SPAST: variants seen among roughly 807,000 people sequenced by gnomAD.
The protein encoded by SPAST is spastin.
Under a neutral mutation model 76.6 loss-of-function variants are expected in SPAST, and 30 were observed. The ratio of observed to expected loss-of-function variants is 0.39; its 90% CI spans 0.29 to 0.53. The LOEUF is 0.53. Ranked by LOEUF, SPAST falls within the 20% of genes least tolerant of loss-of-function variation. SPAST has a pLI of 0.68. For synonymous variants in SPAST, 305 were observed against 281.0 expected, an observed-to-expected ratio of 1.09 and a Z score of -0.86; for missense variants, 717 against 770.5, an observed-to-expected ratio of 0.93 and a Z score of 0.82.
At chr2:32,120,633 G>A (rs1377414733) in intron 7 of SPAST, among the ~76,000 whole-genome samples, 5 of 138,338 alleles carry the variant, frequency 3.6e-5, no homozygotes, top group Non-Finnish European at 7.6e-5. Flanking sequence ...CTTTTCATTC[G>A]AGACCAAATG....
At chr2:32,095,631 T>G (rs1022262691) in intron 3 of SPAST, among the ~76,000 whole-genome samples, 7 of 151,214 alleles carry the variant, frequency 4.6e-5, no homozygotes, top group African/African-American at 1.5e-4. Context: ...GCTACTTACT[T>G]GGGAGGCTGA....
intron 15 of SPAST, among the ~76,000 whole-genome samples, chr2:32,145,270 T>A (rs955401954): frequency 1.3e-5 from 2 of 152,142 alleles, no homozygotes; most frequent in Admixed American, 1.3e-4. Flanking sequence ...TATTTTATTT[T>A]ATTTCTTGTA....
intron 1 of SPAST, chr2:32,066,231 T>A (rs1397949306): frequency 6.6e-6 from 1 of 152,082 alleles, no homozygotes; most frequent in African/African-American, 2.4e-5. Flanking sequence ...TGCCTCGACC[T>A]TCCAAGTGCT....
At chr2:32,125,326 C>T (rs1317389254) in intron 7 of SPAST, among the ~76,000 whole-genome samples, 2 of 151,992 alleles carry the variant, frequency 1.3e-5, no homozygotes, top group African/African-American at 2.4e-5. Flanking sequence ...AGGGTTCAAG[C>T]GATTCTCATG....
At chr2:32,148,672 G>A (rs754052287) in intron 16 of SPAST, among the ~76,000 whole-genome samples, 6 of 152,212 alleles carry the variant, frequency 3.9e-5, no homozygotes, top group South Asian at 2.1e-4. Flanking sequence ...TTACCGGGGC[G>A]TGGTGGCGGG....
intron 1 of SPAST, among the ~76,000 whole-genome samples, chr2:32,071,461 CTG>C (rs1165722962): frequency 6.6e-6 from 1 of 152,132 alleles, no homozygotes; most frequent in East Asian, 1.9e-4. Context: ...GAGTCAAACT[CTG>C]TAAAATATTT....
chr2:32,065,684 T>G (rs1188788004), intron 1 of SPAST, among the ~76,000 whole-genome samples: 3 of 152,184 alleles, frequency 2.0e-5, no homozygotes, highest in African/African-American at 7.2e-5. Context: ...CACACCTCAA[T>G]TAGATACTCA....
At chr2:32,136,509 A>C in intron 9 of SPAST, 54 bp from the exon 10 acceptor site, 1 of 1,287,014 alleles carries the variant, frequency 7.8e-7, no homozygotes, top group Admixed American at 1.7e-5. Context: ...AAAATTTAAA[A>C]AACTGGAATA....
intron 1 of SPAST, among the ~76,000 whole-genome samples, chr2:32,080,800 T>TG (rs902293417): frequency 7.5e-6 from 1 of 133,636 alleles, no homozygotes; most frequent in African/African-American, 2.8e-5. Context: ...TTTTTTTTTT[T>TG]TTTTTTTTTT....
intron 7 of SPAST, among the ~76,000 whole-genome samples, chr2:32,122,164 C>G (rs1342292506): frequency 6.6e-6 from 1 of 151,904 alleles, no homozygotes; most frequent in Non-Finnish European, 1.5e-5. Flanking sequence ...AGCTGTCAGT[C>G]TTTTTTTTCT....
At chr2:32,091,922 A>G (rs1342711398) in intron 3 of SPAST, among the ~76,000 whole-genome samples, 1 of 152,152 alleles carries the variant, frequency 6.6e-6, no homozygotes, top group African/African-American at 2.4e-5. Flanking sequence ...TGAAGCTAAT[A>G]TTATTAGCTA....
At chr2:32,144,657 G>A (rs1158292925) in intron 14 of SPAST, among the ~76,000 whole-genome samples, 5 of 152,022 alleles carry the variant, frequency 3.3e-5, no homozygotes, top group Non-Finnish European at 7.4e-5. Context: ...AGGCTGTGGC[G>A]GGTGGATCAC....
intron 1 of SPAST, among the ~76,000 whole-genome samples, chr2:32,076,704 A>G (rs1573049236): frequency 6.6e-6 from 1 of 151,510 alleles, no homozygotes; most frequent in Non-Finnish European, 1.5e-5. Context: ...TTTTTCTTTG[A>G]GAACAGGGGC....
At chr2:32,141,791 A>C in intron 12 of SPAST, 113 bp from the exon 13 acceptor site, 2 of 786,422 alleles carry the variant, frequency 2.5e-6, no homozygotes, top group South Asian at 3.3e-5. Context: ...GATAACTACC[A>C]AAATGCATTC....
chr2:32,110,557 AGT>A (rs1678524593), intron 4 of SPAST, among the ~76,000 whole-genome samples: 1 of 123,666 alleles, frequency 8.1e-6, no homozygotes, highest in African/African-American at 3.1e-5. Context: ...TATACTATAT[AGT>A]GTGTATATAT....
intron 9 of SPAST, among the ~76,000 whole-genome samples, chr2:32,132,928 C>T (rs1679419069): frequency 6.6e-6 from 1 of 152,140 alleles, no homozygotes; most frequent in Non-Finnish European, 1.5e-5. Flanking sequence ...TGCCTGTAAT[C>T]CCAGCTACTC....
chr2:32,134,892 C>T (rs906204588), intron 9 of SPAST, among the ~76,000 whole-genome samples: 3 of 151,026 alleles, frequency 2.0e-5, no homozygotes, highest in African/African-American at 4.9e-5. Flanking sequence ...CACAGGGTTT[C>T]ACCATGTTGG....
intron 1 of SPAST, among the ~76,000 whole-genome samples, chr2:32,065,402 G>C (rs921485464): frequency 6.6e-6 from 1 of 151,988 alleles, no homozygotes; most frequent in African/African-American, 2.4e-5. Flanking sequence ...AAAAAAAATA[G>C]CAACCATCCC....
intron 1 of SPAST, among the ~76,000 whole-genome samples, chr2:32,072,865 T>G (rs1676807518): frequency 2.0e-5 from 3 of 152,214 alleles, no homozygotes; most frequent in Non-Finnish European, 4.4e-5. Context: ...GGCCTAATGA[T>G]TCTACTTTGA....
Sources: allele counts gnomAD v4.1 joint callset (sites outside exome capture counted in the v4.1 genomes callset), GRCh38; gene constraint gnomAD v4.1.1; transcripts MANE v1.5; gene names NCBI Gene and HGNC (gene_info 2026-07-23, HGNC 2026-07-21).